Variants in FAM90A20 observed in about 807,000 individuals in gnomAD.
The protein encoded by FAM90A20 is family with sequence similarity 90 member A20, also known as protein FAM90A20.
chr8:7,297,663 C>G, the FAM90A20 span: 3 of 1,383,758 alleles, frequency 2.2e-6, no homozygotes, highest in South Asian at 1.2e-5. Flanking sequence ...CCAAGTAGGT[C>G]GCCCCAGATG....
At chr8:7,298,001 G>C in the FAM90A20 span, 1 of 683,214 alleles carries the variant, frequency 1.5e-6, no homozygotes, top group Non-Finnish European at 2.5e-6. Context: ...CTCCTCAGAG[G>C]ACAGCGATTC....
At chr8:7,296,341 C>G in the FAM90A20 span, 6 of 743,928 alleles carry the variant, frequency 8.1e-6, no homozygotes, top group Non-Finnish European at 1.5e-5. Context: ...CGGGAAACCT[C>G]CAGAGAAGCC....
At chr8:7,297,503 A>G in the FAM90A20 span, 42 of 1,514,260 alleles carry the variant, frequency 2.8e-5, 4 homozygotes, top group South Asian at 2.5e-4. Flanking sequence ...AGGAGCCAAG[A>G]GACCTGCCCA....
chr8:7,297,777 C>A, the FAM90A20 span: 29 of 1,436,222 alleles, frequency 2.0e-5, 2 homozygotes, highest in South Asian at 2.2e-4. Flanking sequence ...CATCACCCAG[C>A]GGCCAGCCAT....
At chr8:7,297,561 G>T in the FAM90A20 span, 6 of 1,515,362 alleles carry the variant, frequency 4.0e-6, 1 homozygote, top group East Asian at 4.5e-5. Flanking sequence ...CCGAGACTGG[G>T]TCCCTTCCAG....
the FAM90A20 span, among the ~76,000 whole-genome samples, chr8:7,296,574 GC>G: frequency 7.4e-6 from 1 of 135,666 alleles, no homozygotes; most frequent in Non-Finnish European, 1.5e-5. Flanking sequence ...ATCTGAAGAT[GC>G]CGTATTTCCT....
the FAM90A20 span, chr8:7,297,471 G>A: frequency 1.3e-6 from 2 of 1,544,486 alleles, no homozygotes; most frequent in Non-Finnish European, 1.7e-6. Flanking sequence ...TTGGGCCTAG[G>A]CTCCAATCTC....
the FAM90A20 span, chr8:7,297,299 C>T: frequency 6.6e-6 from 9 of 1,359,522 alleles, 2 homozygotes; most frequent in African/African-American, 6.4e-5. Context: ...CGAGACTCTC[C>T]TCGTGGTGGA....
At chr8:7,297,305 G>T in the FAM90A20 span, 9 of 1,360,244 alleles carry the variant, frequency 6.6e-6, 1 homozygote, top group Admixed American at 1.0e-4. Flanking sequence ...TCTCCTCGTG[G>T]TGGAGCCGAC....
chr8:7,295,627 A>G, the FAM90A20 span: 80 of 652,918 alleles, frequency 1.2e-4, 6 homozygotes, highest in East Asian at 7.1e-4. Flanking sequence ...CTTTCCACCC[A>G]CAGCTCAAGT....
chr8:7,296,363 GA>G, the FAM90A20 span: 5 of 747,844 alleles, frequency 6.7e-6, no homozygotes, highest in South Asian at 1.4e-5. Flanking sequence ...CTGCCGAATG[GA>G]AAAGGATCCA....
the FAM90A20 span, chr8:7,297,495 G>C: frequency 6.6e-7 from 1 of 1,525,334 alleles, no homozygotes; most frequent in South Asian, 1.1e-5. Context: ...TTTGGGTCAG[G>C]AGCCAAGAGA....
At chr8:7,296,650 A>G in the FAM90A20 span, among the ~76,000 whole-genome samples, 2 of 135,132 alleles carry the variant, frequency 1.5e-5, 1 homozygote, top group African/African-American at 7.1e-5. Flanking sequence ...GCATGAGGAA[A>G]TTAGTCCCTC....
At chr8:7,296,188 C>G in the FAM90A20 span, 1 of 650,188 alleles carries the variant, frequency 1.5e-6, no homozygotes, top group Non-Finnish European at 2.8e-6. Context: ...ATTTCCATTT[C>G]TGTATCACAA....
At chr8:7,297,298 C>A in the FAM90A20 span, 8 of 1,344,560 alleles carry the variant, frequency 5.9e-6, no homozygotes, top group South Asian at 1.2e-5. Context: ...ACGAGACTCT[C>A]CTCGTGGTGG....
chr8:7,296,449 T>A, the FAM90A20 span: 1 of 707,574 alleles, frequency 1.4e-6, no homozygotes, highest in South Asian at 1.4e-5. Flanking sequence ...TAACCCTGGT[T>A]GATTTCCTTT....
the FAM90A20 span, chr8:7,297,636 C>A: frequency 3.5e-6 from 5 of 1,408,516 alleles, 2 homozygotes; most frequent in Non-Finnish European, 4.8e-6. Flanking sequence ...CCTCCACCAG[C>A]CGCAACCGAA....
the FAM90A20 span, chr8:7,296,532 C>T: frequency 8.1e-6 from 5 of 619,238 alleles, no homozygotes; most frequent in Non-Finnish European, 8.8e-6. Flanking sequence ...CCTCCACGAT[C>T]CTTGCAGGTC....
the FAM90A20 span, chr8:7,297,010 T>A: frequency 4.7e-5 from 67 of 1,415,024 alleles, 8 homozygotes; most frequent in South Asian, 4.3e-4. Context: ...TTGATTTTCA[T>A]GTTGGCTCCA....
Sources: allele counts gnomAD v4.1 joint callset (sites outside exome capture counted in the v4.1 genomes callset), GRCh38; gene constraint gnomAD v4.1.1; transcripts MANE v1.5; gene names NCBI Gene and HGNC (gene_info 2026-07-23, HGNC 2026-07-21).